UGT1A6: variants seen among roughly 807,000 people sequenced by gnomAD.
The protein encoded by UGT1A6 is UDP glucuronosyltransferase family 1 member A6.
Under a neutral mutation model 44.4 loss-of-function variants are expected in UGT1A6, and 32 were observed. The ratio of observed to expected loss-of-function variants is 0.72; its 90% CI spans 0.54 to 0.97. The LOEUF (loss-of-function observed/expected upper bound fraction) is 0.97. Among genes scored for constraint, UGT1A6 ranks in the 50% least tolerant of loss-of-function variants. The pLI is 0.00. For missense variants in UGT1A6, 685 were observed against 661.9 expected (o/e 1.03, Z -0.38); for synonymous variants, 238 against 248.5 (o/e 0.96, Z 0.40).
intron 1 of UGT1A6, among the ~76,000 whole-genome samples, chr2:233,708,906 G>T (rs2076047236): frequency 6.6e-6 from 1 of 152,058 alleles, no homozygotes. Flanking sequence ...TATCTGGTTA[G>T]GTATTGCTTG....
chr2:233,746,864 A>G (rs1693495912), intron 1 of UGT1A6, among the ~76,000 whole-genome samples: 1 of 151,076 alleles, frequency 6.6e-6, no homozygotes, highest in South Asian at 2.1e-4. Flanking sequence ...CTGCAGCCTG[A>G]TAAACGTGGT....
chr2:233,705,440 G>A (rs72986482), intron 1 of UGT1A6, among the ~76,000 whole-genome samples: 3,401 of 152,250 alleles, frequency 0.022, 46 homozygotes, highest in Middle Eastern at 0.041. Flanking sequence ...TTATCCTTCA[G>A]AATTGCACAT....
intron 1 of UGT1A6, among the ~76,000 whole-genome samples, chr2:233,705,479 T>C (rs961501470): frequency 1.1e-4 from 17 of 152,182 alleles, no homozygotes; most frequent in African/African-American, 3.9e-4. Flanking sequence ...ATGAGGCAAA[T>C]TTAATGATAA....
chr2:233,739,406 C>T (rs1344467177), intron 1 of UGT1A6, among the ~76,000 whole-genome samples: 1 of 152,190 alleles, frequency 6.6e-6, no homozygotes, highest in Non-Finnish European at 1.5e-5. Context: ...CAATGCCACC[C>T]TCTGAAAGCA....
At chr2:233,724,847 C>A (rs1352664169) in intron 1 of UGT1A6, among the ~76,000 whole-genome samples, 1 of 131,490 alleles carries the variant, frequency 7.6e-6, no homozygotes, top group African/African-American at 3.2e-5. Context: ...CCAAGGCAGG[C>A]GGCTGGGAGG....
intron 1 of UGT1A6, among the ~76,000 whole-genome samples, chr2:233,725,714 T>C (rs572434706): frequency 1.3e-5 from 2 of 152,238 alleles, no homozygotes; most frequent in East Asian, 3.8e-4. Flanking sequence ...GTGACTACCA[T>C]ATGGTCAATG....
At chr2:233,705,245 C>A (rs184957890) in intron 1 of UGT1A6, among the ~76,000 whole-genome samples, 1 of 151,984 alleles carries the variant, frequency 6.6e-6, no homozygotes, top group African/African-American at 2.4e-5. Context: ...TGTATGAATT[C>A]AGATTATTCT....
chr2:233,744,104 G>T (rs1183907106), intron 1 of UGT1A6: 22 of 400,806 alleles, frequency 5.5e-5, no homozygotes, highest in Non-Finnish European at 4.5e-6. Context: ...TCTGGGACTG[G>T]CCCTGCTCTC....
chr2:233,760,168 C>A, intron 1 of UGT1A6: 1 of 1,526,138 alleles, frequency 6.6e-7, no homozygotes, highest in Non-Finnish European at 8.8e-7. Flanking sequence ...CCTTTGTGGA[C>A]TGACAGCTTT....
intron 1 of UGT1A6, among the ~76,000 whole-genome samples, chr2:233,725,599 G>GT (rs1258851013): frequency 4.6e-5 from 7 of 152,142 alleles, no homozygotes; most frequent in East Asian, 3.9e-4. Context: ...ATTTGACATA[G>GT]TTTTTTCTTG....
At chr2:233,762,823 A>T (rs1219998858) in intron 1 of UGT1A6, among the ~76,000 whole-genome samples, 1 of 151,946 alleles carries the variant, frequency 6.6e-6, no homozygotes, top group East Asian at 1.9e-4. Context: ...ATTGATTTTC[A>T]TAATAAAAAA....
At chr2:233,735,393 C>T (rs948009314) in intron 1 of UGT1A6, among the ~76,000 whole-genome samples, 32 of 152,066 alleles carry the variant, frequency 2.1e-4, no homozygotes, top group Non-Finnish European at 3.5e-4. Flanking sequence ...TTATTTTGAG[C>T]CTATGTGTGT....
At chr2:233,752,890 C>A (rs537828663) in intron 1 of UGT1A6, among the ~76,000 whole-genome samples, 13 of 152,204 alleles carry the variant, frequency 8.5e-5, no homozygotes, top group Admixed American at 7.2e-4. Context: ...AACTAGCCAG[C>A]GTTGTTACAG....
At chr2:233,734,119 A>AATAATC (rs2125784278) in intron 1 of UGT1A6, among the ~76,000 whole-genome samples, 1 of 152,144 alleles carries the variant, frequency 6.6e-6, no homozygotes, top group Non-Finnish European at 1.5e-5. Context: ...TAATAATAAT[A>AATAATC]ATAAAAAGAA....
chr2:233,711,531 C>T (rs1251081299), intron 1 of UGT1A6, among the ~76,000 whole-genome samples: 4 of 152,194 alleles, frequency 2.6e-5, no homozygotes, highest in African/African-American at 7.2e-5. Context: ...CACAACTCCC[C>T]GGGAATCATC....
At chr2:233,730,730 G>A (rs186110324) in intron 1 of UGT1A6, among the ~76,000 whole-genome samples, 24 of 152,186 alleles carry the variant, frequency 1.6e-4, no homozygotes, top group African/African-American at 4.1e-4. Context: ...AAGAAATGGC[G>A]GAAGGGGCTA....
At chr2:233,695,012 T>C (rs1343178534) in intron 1 of UGT1A6, among the ~76,000 whole-genome samples, 2 of 152,232 alleles carry the variant, frequency 1.3e-5, no homozygotes, top group African/African-American at 4.8e-5. Context: ...TTTCTAGCTA[T>C]TTTGAACTGC....
At chr2:233,696,995 T>G (rs1443377070) in intron 1 of UGT1A6, among the ~76,000 whole-genome samples, 1 of 152,182 alleles carries the variant, frequency 6.6e-6, no homozygotes, top group Non-Finnish European at 1.5e-5. Flanking sequence ...TTCGTTGAGA[T>G]TTTTGCATCT....
At position 233,749,692 on chromosome 2, in the gene UGT1A6, G is replaced by A. The variant is rs182705299; in HGVS notation, c.862-17342G>A. The stretch of plus-strand genomic sequence containing the variant: ...CCCCACGTGTCAAGGACAGGATCTG[G>A]TGGGAGGTGATTGGATCATGGGGGC... On this transcript the variant is annotated intron_variant, in intron 1 of 4. Transcript: ENST00000305139. Among the ~76,000 whole-genome samples the A allele has an allele frequency of 1.6e-4, 24 of 151,978 alleles. No homozygotes were observed. In the East Asian group the frequency reaches 4.2e-3, roughly 27 times the overall value.
Sources: gnomAD v4.1 joint callset for allele counts (sites outside exome capture counted in the v4.1 genomes callset) on GRCh38, gnomAD v4.1.1 for gene constraint, MANE v1.5 for transcripts, NCBI Gene and HGNC (gene_info 2026-07-23, HGNC 2026-07-21) for gene names.